Variants in FAM234B observed in about 807,000 individuals in gnomAD.
FAM234B encodes family with sequence similarity 234 member B.
In FAM234B, 33 loss-of-function variants were observed where a neutral mutation model predicts 69.3. That is an observed-to-expected ratio of 0.48 (90% confidence interval 0.36 to 0.64). The LOEUF (loss-of-function observed/expected upper bound fraction) is 0.64, where lower values mean the gene tolerates loss of function less well. Among genes scored for constraint, FAM234B ranks in the 30% least tolerant of loss-of-function variants. FAM234B has a pLI of 0.00. For missense variants in FAM234B, 697 were observed against 769.7 expected (o/e 0.91, Z 1.12); for synonymous variants, 306 against 306.9 (o/e 1.00, Z 0.03).
Position 13,058,511 on chromosome 12 carries a change from T to C in FAM234B, c.494T>C (p.Leu165Pro). The change falls in exon 3 of 13, where the codon CTT (leucine) becomes CCT (proline). Residue 165 changes from leucine to proline, a missense_variant. Leu to Pro is a moderately conservative substitution (Grantham distance 98, BLOSUM62 -3). Coordinates refer to ENST00000197268, the MANE Select transcript of FAM234B (RefSeq NM_020853.2). Reference sequence around the variant, plus strand: ...AATGGAGATGGCCTGCGTGATGTGCTTCTCTCCTTTGTGATGTCAAGGAAC... The same window carrying C: ...AATGGAGATGGCCTGCGTGATGTGCCTCTCTCCTTTGTGATGTCAAGGAAC... Reference protein sequence around the residue: ...DVNGDGLRDVLLSFVMSRNGS... With the variant: ...DVNGDGLRDVPLSFVMSRNGS... 1.2e-6 allele frequency: 2 copies of C among 1,614,184 alleles called. No homozygotes were observed. The highest frequency in any genetic ancestry group is 1.7e-6 in the Non-Finnish European group (2 of 1,180,022).
intron 5 of FAM234B, 21 bp from the exon 6 acceptor site, chr12:13,066,619 C>T: frequency 6.2e-7 from 1 of 1,601,058 alleles, no homozygotes; most frequent in African/African-American, 1.3e-5. Context: ...TTGACTCCAC[C>T]CCCCTCTCTT....
At chr12:13,059,121 A>G (rs972013734) in intron 3 of FAM234B, among the ~76,000 whole-genome samples, 1 of 152,154 alleles carries the variant, frequency 6.6e-6, no homozygotes, top group African/African-American at 2.4e-5. Flanking sequence ...AATGGGGAGC[A>G]CAGCTCAGGA....
chr12:13,061,993 A>G (rs1864989090), intron 4 of FAM234B, among the ~76,000 whole-genome samples: 1 of 140,742 alleles, frequency 7.1e-6, no homozygotes, highest in African/African-American at 2.8e-5. Context: ...GAATTACCCA[A>G]ACAGAAACTA....
chr12:13,080,597 TAA>T, intron 12 of FAM234B, 26 bp from the exon 13 acceptor site: 1 of 1,591,542 alleles, frequency 6.3e-7, no homozygotes, highest in Non-Finnish European at 8.6e-7. Flanking sequence ...TGAAAAACAA[TAA>T]AGTCACGATA....
chr12:13,060,612 G>A (rs1254349681), intron 3 of FAM234B, among the ~76,000 whole-genome samples: 1 of 152,100 alleles, frequency 6.6e-6, no homozygotes, highest in African/African-American at 2.4e-5. Flanking sequence ...CTGGCAACAG[G>A]GTCTGAAACA....
In FAM234B at chr12:13,062,935, G is replaced by A. The variant is rs140086625; in HGVS notation, c.812G>A (p.Gly271Asp). Residue 271 changes from glycine to aspartate, a missense_variant, in exon 5 of 13, where the codon GGT (glycine) becomes GAT (aspartate). Coordinates refer to ENST00000197268, the MANE Select transcript of FAM234B (RefSeq NM_020853.2). ...VVVLPDLDED[G>D]VRDLVVLAIG... is the part of the protein sequence containing the mutation. ...GTACTGCCAGACTTGGATGAAGACG[G>A]TGTTCGAGACCTTGTGGTTCTGGCC... is the stretch of plus-strand genomic sequence containing the variant. The A allele has an allele frequency of 6.2e-7, 1 of 1,613,946 alleles. No individual in the cohort carries two copies. The highest frequency in any genetic ancestry group is 1.3e-5 in the African/African-American group (1 of 74,926).
chr12:13,052,626 A>G (rs1206257960), intron 1 of FAM234B, among the ~76,000 whole-genome samples: 1 of 152,130 alleles, frequency 6.6e-6, no homozygotes, highest in Admixed American at 6.5e-5. Context: ...GGCAACAACC[A>G]TTCTACTTTC....
rs1233348743 is a variant in FAM234B, at chr12:13,066,859, G to A, written c.1000+72G>A. 12 of 1,526,668 alleles carry A rather than the reference G, an allele frequency of 7.9e-6. No individual in the cohort carries two copies. In the South Asian group the frequency reaches 1.3e-4, roughly 16 times the overall value. 94.6% of individuals were successfully genotyped at this position (1,526,668 alleles called of 1,614,324 possible). On this transcript the variant is annotated intron_variant, in intron 6 of 12. Transcript: ENST00000197268. ...TGATGAGGCCTTCCTTGTGAGACAG[G>A]GTGAAAGCTCAGGAACTCCTGACAC...
intron 4 of FAM234B, 80 bp downstream of exon 4, chr12:13,061,843 C>A: frequency 1.6e-6 from 2 of 1,214,346 alleles, no homozygotes; most frequent in Non-Finnish European, 1.2e-6. Flanking sequence ...GGTAGGGGAC[C>A]TTTTGACTCT....
At chr12:13,061,855 A>G in intron 4 of FAM234B, 92 bp downstream of exon 4, 1 of 1,045,804 alleles carries the variant, frequency 9.6e-7, no homozygotes, top group South Asian at 1.5e-5. Flanking sequence ...TTTGACTCTC[A>G]CGTGGTGGAG....
At chr12:13,061,492 G>A in intron 3 of FAM234B, 83 bp from the exon 4 acceptor site, 2 of 1,155,524 alleles carry the variant, frequency 1.7e-6, no homozygotes, top group East Asian at 2.4e-5. Context: ...CCATCCACTT[G>A]CAGTTTTCTG....
At chr12:13,073,193 C>T (rs1341734568) in intron 10 of FAM234B, among the ~76,000 whole-genome samples, 3 of 147,136 alleles carry the variant, frequency 2.0e-5, no homozygotes, top group Non-Finnish European at 4.5e-5. Flanking sequence ...TGGGGTCTTG[C>T]TGTATTGCCC....
chr12:13,045,154 A>G (rs1010873059), intron 1 of FAM234B, among the ~76,000 whole-genome samples: 2 of 151,888 alleles, frequency 1.3e-5, no homozygotes, highest in Non-Finnish European at 2.9e-5. Context: ...TTAAGGCAGC[A>G]TTAGGGGTGA....
intron 9 of FAM234B, among the ~76,000 whole-genome samples, chr12:13,070,189 A>G (rs1022326675): frequency 1.1e-5 from 1 of 91,472 alleles, no homozygotes; most frequent in Non-Finnish European, 2.0e-5. Context: ...ATATATATAT[A>G]TATATATATA....
chr12:13,048,982 A>G (rs1455184211), intron 1 of FAM234B, among the ~76,000 whole-genome samples: 3 of 152,182 alleles, frequency 2.0e-5, no homozygotes, highest in Non-Finnish European at 4.4e-5. Flanking sequence ...AACTGCCCCC[A>G]TGATTCAGTT....
chr12:13,067,431 T>TC lies in FAM234B; in HGVS notation c.1142+136dup, dbSNP rs1394218681. 8.9e-6 allele frequency: 8 copies of TC among 899,084 alleles called. 1 individual carries two copies. Among genetic ancestry groups the TC allele is most frequent in the Non-Finnish European group, 1.4e-5 (8 of 585,628 alleles). The allele number at this position is 899,084 out of a possible 1,614,324, so 55.7% of individuals were successfully genotyped here. ...AAACAGTGCTTATCTTAATTTACCA[T>TC]CTTCTGATCTGGTTAACATGAGTTA... On this transcript the variant is annotated intron_variant, in intron 7 of 12. Coordinates refer to ENST00000197268, the MANE Select transcript of FAM234B (RefSeq NM_020853.2). The surrounding 1 kb of genome is among the most constrained non-coding windows in gnomAD (Gnocchi z 4.7).
At chr12:13,064,717 A>G (rs184507314) in intron 5 of FAM234B, among the ~76,000 whole-genome samples, 1 of 152,272 alleles carries the variant, frequency 6.6e-6, no homozygotes, top group Non-Finnish European at 1.5e-5. Flanking sequence ...GGCACTAGGT[A>G]TATAGCGCAG....
chr12:13,052,861 C>T (rs1480537497), intron 1 of FAM234B, among the ~76,000 whole-genome samples: 2 of 152,064 alleles, frequency 1.3e-5, no homozygotes, highest in East Asian at 1.9e-4. Flanking sequence ...AAAAACAAAA[C>T]AAGAACAAAC....
At chr12:13,047,148 G>A (rs145981825) in intron 1 of FAM234B, among the ~76,000 whole-genome samples, 15 of 152,292 alleles carry the variant, frequency 9.8e-5, no homozygotes, top group Non-Finnish European at 2.1e-4. Flanking sequence ...TTATGAAAGA[G>A]CAGTTTCGCT....
Sources: allele counts gnomAD v4.1 joint callset (sites outside exome capture counted in the v4.1 genomes callset), GRCh38; gene constraint gnomAD v4.1.1; non-coding constraint Gnocchi (gnomAD v3.1); transcripts MANE v1.5; gene names NCBI Gene and HGNC (gene_info 2026-07-23, HGNC 2026-07-21).